Variants in DNAJB6 observed in about 807,000 individuals in gnomAD.
The protein encoded by DNAJB6 is dnaJ homolog subfamily B member 6.
A neutral mutation model predicts 42.7 loss-of-function variants in DNAJB6; 16 were observed. The observed-to-expected ratio is 0.37, with a 90% CI of 0.25 to 0.57. The LOEUF (loss-of-function observed/expected upper bound fraction) is 0.57, where lower values mean the gene tolerates loss of function less well. DNAJB6 is among the 20% of genes least tolerant of loss of function. The probability of loss-of-function intolerance (pLI) is 0.74; values close to 1 mark genes in which losing one functional copy is unlikely to be tolerated. For missense variants in DNAJB6, 347 were observed against 416.8 expected (o/e 0.83, Z 1.46); for synonymous variants, 170 against 163.5 (o/e 1.04, Z -0.30).
At chr7:157,386,866 A>G (rs1162306840) in intron 8 of DNAJB6, among the ~76,000 whole-genome samples, 1 of 150,442 alleles carries the variant, frequency 6.6e-6, no homozygotes, top group African/African-American at 2.5e-5. Flanking sequence ...CCTGGGAGAC[A>G]GAGCAAGCCT....
At chr7:157,409,207 T>C (rs530022575) in intron 8 of DNAJB6, among the ~76,000 whole-genome samples, 1 of 152,344 alleles carries the variant, frequency 6.6e-6, no homozygotes, top group African/African-American at 2.4e-5. Flanking sequence ...GCACAACTTT[T>C]CAGAGCGTTG....
At chr7:157,387,080 G>A (rs1435915556) in intron 8 of DNAJB6, among the ~76,000 whole-genome samples, 2 of 152,226 alleles carry the variant, frequency 1.3e-5, no homozygotes, top group East Asian at 1.9e-4. Context: ...GACAAACAGC[G>A]TAGCGTGTTC....
chr7:157,372,864 C>G (rs565009303), intron 5 of DNAJB6, among the ~76,000 whole-genome samples: 4 of 152,306 alleles, frequency 2.6e-5, no homozygotes, highest in East Asian at 1.9e-4. Flanking sequence ...CCCAGCTGTT[C>G]TTCTCCCTAC....
At chr7:157,407,207 C>T (rs1443981010) in intron 8 of DNAJB6, among the ~76,000 whole-genome samples, 1 of 152,220 alleles carries the variant, frequency 6.6e-6, no homozygotes, top group Non-Finnish European at 1.5e-5. Context: ...TTACCCTGCC[C>T]CCATTTTCCC....
At chr7:157,391,810 A>G (rs117400448) in intron 8 of DNAJB6, among the ~76,000 whole-genome samples, 1 of 152,176 alleles carries the variant, frequency 6.6e-6, no homozygotes, top group Non-Finnish European at 1.5e-5. Context: ...TGCATTGAAA[A>G]TCGGTAAGTT....
In DNAJB6 at chr7:157,409,806, G is replaced by A. The variant is rs535707821; in HGVS notation, c.703G>A (p.Asp235Asn). The change falls in exon 9 of 10, where the codon GAC becomes AAC. Residue 235 changes from aspartate (D) to asparagine (N), a missense_variant. By Grantham distance (23) the Asp-to-Asn change is conservative (BLOSUM62 1). This residue lies in a region of DNAJB6 where 264 missense variants were observed against 288.0 expected (regional missense o/e 0.92). Transcript: ENST00000262177. ...CGCTGTGCCTGCAGGTGTGGCCGAC[G>A]ACGATGCCCTCGCTGAGGAGCGCAT... is the stretch of plus-strand genomic sequence containing the variant. ...KSLTINGVAD[D>N]DALAEERMRR... The A allele has an allele frequency of 1.3e-6, 2 of 1,528,072 alleles. No individual in the cohort carries two copies. The highest frequency in any genetic ancestry group is 2.5e-5 in the East Asian group (1 of 40,584). The allele number at this position is 1,528,072 out of a possible 1,614,324, so 94.7% of individuals were successfully genotyped here.
intron 2 of DNAJB6, among the ~76,000 whole-genome samples, 165 bp from the exon 3 acceptor site, chr7:157,362,996 T>C (rs374092327): frequency 1.3e-5 from 2 of 152,164 alleles, no homozygotes; most frequent in East Asian, 3.9e-4. Flanking sequence ...TTTTAGAACT[T>C]TGTGTATTTC....
chr7:157,340,399 A>C (rs1258792392), intron 1 of DNAJB6, among the ~76,000 whole-genome samples: 1 of 152,208 alleles, frequency 6.6e-6, no homozygotes, highest in African/African-American at 2.4e-5. Context: ...GAATTTGAGA[A>C]TATCAAACTC....
chr7:157,356,030 T>A (rs532942333), intron 1 of DNAJB6, among the ~76,000 whole-genome samples: 1 of 152,244 alleles, frequency 6.6e-6, no homozygotes, highest in South Asian at 2.1e-4. Context: ...AGATAGAAGA[T>A]GAGCTGTTTG....
intron 8 of DNAJB6, among the ~76,000 whole-genome samples, chr7:157,388,518 C>G (rs185245282): frequency 6.8e-4 from 103 of 152,248 alleles, no homozygotes; most frequent in African/African-American, 2.3e-3. Context: ...CCATGTGGTC[C>G]CATCCATTCT....
intron 1 of DNAJB6, among the ~76,000 whole-genome samples, chr7:157,353,468 C>T (rs1373887852): frequency 6.6e-6 from 1 of 151,986 alleles, no homozygotes; most frequent in African/African-American, 2.4e-5. Context: ...CATATTCCAC[C>T]TGTTTTTCTG....
At chr7:157,387,383 C>G (rs1801121252) in intron 8 of DNAJB6, among the ~76,000 whole-genome samples, 1 of 152,176 alleles carries the variant, frequency 6.6e-6, no homozygotes, top group East Asian at 1.9e-4. Flanking sequence ...ACAGCGCCCT[C>G]TAGTGTTGGA....
At chr7:157,373,411 C>T (rs1387459575) in intron 5 of DNAJB6, among the ~76,000 whole-genome samples, 1 of 152,100 alleles carries the variant, frequency 6.6e-6, no homozygotes, top group African/African-American at 2.4e-5. Flanking sequence ...AGTGCAGTGG[C>T]ACAGTCTCAG....
At chr7:157,415,591 G>A (rs138931626) in intron 9 of DNAJB6, 2,043 of 188,054 alleles carry the variant, frequency 0.011, 74 homozygotes, top group East Asian at 0.055. Context: ...GTGGGGTTCC[G>A]GGACTGAGGT....
At chr7:157,378,747 T>TG (rs1252915695) in intron 5 of DNAJB6, 1 of 152,196 alleles carries the variant, frequency 6.6e-6, no homozygotes, top group African/African-American at 2.4e-5. Context: ...GGTTTTATTT[T>TG]GGGGGCTGAA....
At chr7:157,355,050 A>T (rs1414217401) in intron 1 of DNAJB6, among the ~76,000 whole-genome samples, 1 of 152,172 alleles carries the variant, frequency 6.6e-6, no homozygotes, top group Non-Finnish European at 1.5e-5. Flanking sequence ...TACATCTGGG[A>T]CTCATTGCTA....
chr7:157,354,923 A>G (rs1044035258), intron 1 of DNAJB6, among the ~76,000 whole-genome samples: 14 of 152,112 alleles, frequency 9.2e-5, no homozygotes, highest in Non-Finnish European at 1.9e-4. Context: ...GAGGATTAAG[A>G]GTTAAATTTT....
At chr7:157,404,485 T>C (rs1252512647) in intron 8 of DNAJB6, among the ~76,000 whole-genome samples, 1 of 107,998 alleles carries the variant, frequency 9.3e-6, no homozygotes, top group Non-Finnish European at 1.9e-5. Flanking sequence ...TTTTTTTTTT[T>C]GATAGAGATG....
intron 3 of DNAJB6, 47 bp from the exon 4 acceptor site, chr7:157,366,455 G>C (rs1563125304): frequency 6.5e-7 from 1 of 1,535,170 alleles, no homozygotes; most frequent in East Asian, 2.2e-5. Flanking sequence ...ATTGAATTAA[G>C]GGTTTAAAAG....
Sources: allele counts gnomAD v4.1 joint callset (sites outside exome capture counted in the v4.1 genomes callset), GRCh38; gene constraint gnomAD v4.1.1; regional missense constraint gnomAD v4.1.1; transcripts MANE v1.5; gene names NCBI Gene and HGNC (gene_info 2026-07-23, HGNC 2026-07-21).